Variants in NAALADL2 observed in about 807,000 individuals in gnomAD.
The protein encoded by NAALADL2 is N-acetylated alpha-linked acidic dipeptidase like 2.
In NAALADL2, 76 loss-of-function variants were observed where a neutral mutation model predicts 87.2. The observed-to-expected ratio is 0.87, with a 90% CI of 0.72 to 1.05. The LOEUF is 1.05. NAALADL2 is among the 50% of genes least tolerant of loss of function. NAALADL2 has a pLI of 0.00. For synonymous variants in NAALADL2, 354 were observed against 331.0 expected, an observed-to-expected ratio of 1.07 and a Z score of -0.75; for missense variants, 1,089 against 945.8, an observed-to-expected ratio of 1.15 and a Z score of -1.99.
At chr3:174,910,938 G>A (rs1733611074) in intron 1 of NAALADL2, among the ~76,000 whole-genome samples, 2 of 152,050 alleles carry the variant, frequency 1.3e-5, no homozygotes, top group Non-Finnish European at 2.9e-5. Flanking sequence ...CAAGCAGGGC[G>A]AAAGGGAAAC....
intron 1 of NAALADL2, among the ~76,000 whole-genome samples, chr3:174,985,265 A>T (rs527312585): frequency 8.5e-4 from 130 of 152,228 alleles, no homozygotes; most frequent in Non-Finnish European, 1.5e-3. Flanking sequence ...TCCGAAGTGT[A>T]GAGATATTTG....
chr3:175,762,442 C>T (rs957492440), intron 13 of NAALADL2, among the ~76,000 whole-genome samples: 2 of 152,012 alleles, frequency 1.3e-5, no homozygotes, highest in African/African-American at 4.8e-5. Flanking sequence ...GAAAATTTGT[C>T]TTTTTCTTCT....
chr3:175,256,514 T>G lies in NAALADL2; in HGVS notation c.923T>G (p.Leu308Trp). ...NQIALLKLGK[L>W]PLLYKLSSLE... is the part of the protein sequence containing the mutation. ...ATCGCACTCCTGAAATTAGGAAAAT[T>G]GCCACTGCTTTATAAGGTTGGTCCA... Residue 308 changes from leucine to tryptophan, a missense_variant, in exon 4 of 14, where the codon TTG (leucine) becomes TGG (tryptophan). Leu to Trp is a moderately conservative substitution (Grantham distance 61, BLOSUM62 -2). Coordinates refer to ENST00000454872, the MANE Select transcript of NAALADL2 (RefSeq NM_207015.3). 6.2e-7 allele frequency: 1 copy of G among 1,612,274 alleles called. No homozygotes were observed. Among genetic ancestry groups the G allele is most frequent in the East Asian group, 2.2e-5 (1 of 44,758 alleles).
At chr3:175,440,820 G>C (rs1719599472) in intron 5 of NAALADL2, among the ~76,000 whole-genome samples, 2 of 152,228 alleles carry the variant, frequency 1.3e-5, no homozygotes, top group South Asian at 4.1e-4. Context: ...ATATGATCAT[G>C]TCATCAGCAA....
At chr3:175,018,943 A>G (rs1447332375) in intron 1 of NAALADL2, among the ~76,000 whole-genome samples, 1 of 152,030 alleles carries the variant, frequency 6.6e-6, no homozygotes, top group Non-Finnish European at 1.5e-5. Flanking sequence ...AAGTGTTCAT[A>G]GTGAAGCATG....
chr3:174,882,606 T>TATACGC (rs1319633283), intron 1 of NAALADL2, among the ~76,000 whole-genome samples: 18 of 137,090 alleles, frequency 1.3e-4, no homozygotes, highest in African/African-American at 6.1e-4. Context: ...TACACATACA[T>TATACGC]ATATGTGCAT....
intron 9 of NAALADL2, among the ~76,000 whole-genome samples, chr3:175,502,478 G>C (rs1729692825): frequency 6.6e-6 from 1 of 152,096 alleles, no homozygotes; most frequent in Non-Finnish European, 1.5e-5. Flanking sequence ...TTCCAGCTTT[G>C]AGAATTGAAC....
intron 3 of NAALADL2, among the ~76,000 whole-genome samples, chr3:174,805,206 G>T (rs1336310660): frequency 2.0e-5 from 3 of 152,090 alleles, no homozygotes; most frequent in African/African-American, 7.2e-5. Flanking sequence ...CCAAGTGGTT[G>T]CTTCCTACTT....
intron 2 of NAALADL2, among the ~76,000 whole-genome samples, chr3:175,132,604 A>AGGG (rs1560070139): frequency 1.3e-5 from 1 of 75,272 alleles, no homozygotes; most frequent in Admixed American, 1.3e-4. Flanking sequence ...CTGGCCGGGC[A>AGGG]GGGGGCTGAC....
At chr3:175,086,217 G>A (rs1358889146) in intron 1 of NAALADL2, among the ~76,000 whole-genome samples, 1 of 152,068 alleles carries the variant, frequency 6.6e-6, no homozygotes, top group African/African-American at 2.4e-5. Flanking sequence ...GTTCTTTATA[G>A]TTTACAATAT....
intron 4 of NAALADL2, among the ~76,000 whole-genome samples, chr3:175,260,715 G>C (rs1024993777): frequency 2.9e-4 from 44 of 152,158 alleles, no homozygotes; most frequent in African/African-American, 1.1e-3. Context: ...TATTTTGGCT[G>C]TGCAGTAGTT....
At chr3:175,348,908 T>C (rs918993281) in intron 5 of NAALADL2, among the ~76,000 whole-genome samples, 1 of 152,156 alleles carries the variant, frequency 6.6e-6, no homozygotes, top group Non-Finnish European at 1.5e-5. Context: ...AATAACCGTT[T>C]ATAAAGTTTT....
At chr3:175,650,062 A>AG (rs1372456550) in intron 11 of NAALADL2, among the ~76,000 whole-genome samples, 3 of 151,582 alleles carry the variant, frequency 2.0e-5, no homozygotes, top group Non-Finnish European at 4.4e-5. Context: ...CACACCAAAA[A>AG]AAAAAAAAAA....
chr3:175,042,698 A>G (rs1355726921), intron 1 of NAALADL2, among the ~76,000 whole-genome samples: 1 of 152,158 alleles, frequency 6.6e-6, no homozygotes, highest in Non-Finnish European at 1.5e-5. Flanking sequence ...GATATTGACC[A>G]TATTTTCATA....
chr3:175,543,955 T>C (rs1192548308), intron 9 of NAALADL2, among the ~76,000 whole-genome samples: 4 of 152,186 alleles, frequency 2.6e-5, no homozygotes, highest in Non-Finnish European at 4.4e-5. Context: ...CAGGGAGTTC[T>C]CTGAATATCT....
intron 4 of NAALADL2, among the ~76,000 whole-genome samples, chr3:175,303,844 A>C: frequency 6.6e-6 from 1 of 152,136 alleles, no homozygotes; most frequent in East Asian, 1.9e-4. Flanking sequence ...ACAATTTACC[A>C]ATTGCCTTAC....
intron 2 of NAALADL2, among the ~76,000 whole-genome samples, chr3:175,214,804 T>C (rs1742262485): frequency 6.6e-6 from 1 of 152,170 alleles, no homozygotes; most frequent in African/African-American, 2.4e-5. Flanking sequence ...ATATTCCTTG[T>C]TAATTACAGC....
chr3:174,844,191 G>C (rs2109436295), intron 3 of NAALADL2, among the ~76,000 whole-genome samples: 1 of 152,168 alleles, frequency 6.6e-6, no homozygotes, highest in Non-Finnish European at 1.5e-5. Context: ...GTTTATTTTT[G>C]TATATGGTGG....
chr3:175,040,655 C>T (rs1753962544), intron 1 of NAALADL2, among the ~76,000 whole-genome samples: 1 of 152,142 alleles, frequency 6.6e-6, no homozygotes, highest in African/African-American at 2.4e-5. Flanking sequence ...TAGTATACTA[C>T]TTCAAGGCTC....
Sources: allele counts gnomAD v4.1 joint callset (sites outside exome capture counted in the v4.1 genomes callset), GRCh38; gene constraint gnomAD v4.1.1; transcripts MANE v1.5; gene names NCBI Gene and HGNC (gene_info 2026-07-23, HGNC 2026-07-21).